CAMK1D: variants seen among roughly 807,000 people sequenced by gnomAD.
The protein encoded by CAMK1D is calcium/calmodulin-dependent protein kinase type 1D.
CAMK1D carries 9 observed loss-of-function variants against 47.7 expected under a neutral mutation model. The observed-to-expected ratio is 0.19, with a 90% CI of 0.11 to 0.33. CAMK1D has a LOEUF of 0.33. CAMK1D is among the 10% of genes least tolerant of loss of function. The probability of loss-of-function intolerance (pLI) is 1.00; values close to 1 mark genes in which losing one functional copy is unlikely to be tolerated. For synonymous variants in CAMK1D, 184 were observed against 184.9 expected (o/e 0.99, Z 0.04); for missense variants, 291 against 488.7 (o/e 0.60, Z 3.81).
rs145354725 is a variant in CAMK1D, at chr10:12,461,549, T to C, written c.93-91676T>C. Among the ~76,000 whole-genome samples the C allele has an allele frequency of 2.8e-3, 424 of 151,798 alleles. 3 individuals carry two copies. The highest frequency in any genetic ancestry group is 9.7e-3 in the African/African-American group (402 of 41,418). On this transcript the variant is annotated intron_variant, in intron 1 of 10. Transcript: ENST00000619168. ...ACTAAAAATACAAAAATTAGCTGGG[T>C]GTGGTGGCGTGCACCTGTAGTCCCA...
chr10:12,527,556 C>T (rs1835666749), intron 1 of CAMK1D, among the ~76,000 whole-genome samples: 1 of 151,988 alleles, frequency 6.6e-6, no homozygotes, highest in South Asian at 2.1e-4. Flanking sequence ...TTAGTAGAGA[C>T]AGGGTTTCAC....
intron 3 of CAMK1D, among the ~76,000 whole-genome samples, chr10:12,700,376 C>G (rs1833467030): frequency 6.6e-6 from 1 of 152,092 alleles, no homozygotes; most frequent in African/African-American, 2.4e-5. Context: ...GGGAGAAGCT[C>G]CTTATAAAAA....
At chr10:12,367,021 CT>C (rs1488302363) in intron 1 of CAMK1D, among the ~76,000 whole-genome samples, 1 of 152,158 alleles carries the variant, frequency 6.6e-6, no homozygotes, top group Non-Finnish European at 1.5e-5. Context: ...CTCATGACCA[CT>C]TCTAAACACA....
intron 2 of CAMK1D, among the ~76,000 whole-genome samples, chr10:12,632,166 G>T (rs1047345221): frequency 3.9e-5 from 6 of 152,086 alleles, no homozygotes; most frequent in Non-Finnish European, 7.4e-5. Flanking sequence ...GCTAAGATTC[G>T]CATCCCTTCT....
chr10:12,350,204 C>T (rs903566426), intron 1 of CAMK1D, among the ~76,000 whole-genome samples: 1 of 152,200 alleles, frequency 6.6e-6, no homozygotes, highest in Non-Finnish European at 1.5e-5. Context: ...TCTCCGCTGC[C>T]TTCTCCCCAC....
At position 12,737,311 on chromosome 10, in the gene CAMK1D, C is replaced by T. The variant is rs935780277; in HGVS notation, c.300-23637C>T. Among the ~76,000 whole-genome samples the T allele has an allele frequency of 5.9e-5, 9 of 152,128 alleles. 1 individual carries two copies. The highest frequency in any genetic ancestry group is 2.2e-4 in the African/African-American group (9 of 41,402). ...CAGTTTCCATACCCCCATTATTTCCCCTAACCTGTGCTTCATACCAGAAGG... is the reference window on the plus strand; with the variant it reads ...CAGTTTCCATACCCCCATTATTTCCTCTAACCTGTGCTTCATACCAGAAGG... On this transcript the variant is annotated intron_variant, in intron 3 of 10. Coordinates refer to ENST00000619168, the MANE Select transcript of CAMK1D (RefSeq NM_153498.4).
intron 2 of CAMK1D, among the ~76,000 whole-genome samples, chr10:12,559,242 GCTGTA>G (rs1190166406): frequency 1.3e-5 from 2 of 152,040 alleles, no homozygotes; most frequent in Non-Finnish European, 2.9e-5. Context: ...GGAGTTTGAG[GCTGTA>G]CTCCAGTTTG....
chr10:12,813,744 T>C (rs1832695557), intron 6 of CAMK1D, among the ~76,000 whole-genome samples: 1 of 151,982 alleles, frequency 6.6e-6, no homozygotes, highest in Non-Finnish European at 1.5e-5. Flanking sequence ...GGTACAGATT[T>C]TCTTTTTCTT....
chr10:12,693,898 A>AAT (rs1304404908), intron 3 of CAMK1D, among the ~76,000 whole-genome samples: 1 of 113,908 alleles, frequency 8.8e-6, no homozygotes, highest in African/African-American at 3.3e-5. Context: ...ATATATATAA[A>AAT]ATATATATAT....
At chr10:12,637,515 A>G (rs941633141) in intron 2 of CAMK1D, among the ~76,000 whole-genome samples, 6 of 151,872 alleles carry the variant, frequency 4.0e-5, no homozygotes, top group African/African-American at 1.5e-4. Context: ...ATCTGTGGCC[A>G]GCAGGGTGTA....
At chr10:12,802,756 A>G (rs544495538) in intron 6 of CAMK1D, among the ~76,000 whole-genome samples, 70 of 152,258 alleles carry the variant, frequency 4.6e-4, no homozygotes, top group African/African-American at 1.6e-3. Flanking sequence ...TACTGACCTC[A>G]TGATCCGTCC....
intron 1 of CAMK1D, among the ~76,000 whole-genome samples, chr10:12,497,453 G>T (rs1423296264): frequency 6.8e-6 from 1 of 147,282 alleles, no homozygotes; most frequent in African/African-American, 2.5e-5. Context: ...CCTCAGCCTG[G>T]TGACGGAGCA....
At chr10:12,461,703 A>G (rs1833430488) in intron 1 of CAMK1D, among the ~76,000 whole-genome samples, 1 of 151,726 alleles carries the variant, frequency 6.6e-6, no homozygotes. Flanking sequence ...AAAAAAAAAA[A>G]AAAAGAAGCT....
chr10:12,463,384 C>T (rs1305338264), intron 1 of CAMK1D, among the ~76,000 whole-genome samples: 3 of 152,120 alleles, frequency 2.0e-5, no homozygotes, highest in Non-Finnish European at 4.4e-5. Context: ...ATGATTCACC[C>T]ACCTCAGCCT....
chr10:12,562,788 C>T (rs951499409), intron 2 of CAMK1D, among the ~76,000 whole-genome samples: 1 of 152,134 alleles, frequency 6.6e-6, no homozygotes, highest in African/African-American at 2.4e-5. Context: ...CTGCTCCAAA[C>T]TGTGGACTTC....
At chr10:12,387,203 CAA>C (rs1252530894) in intron 1 of CAMK1D, among the ~76,000 whole-genome samples, 8 of 101,912 alleles carry the variant, frequency 7.8e-5, no homozygotes, top group African/African-American at 7.5e-5. Flanking sequence ...GACTCCATCT[CAA>C]AAAAAAAAAA....
intron 2 of CAMK1D, among the ~76,000 whole-genome samples, chr10:12,595,521 T>C (rs1838122851): frequency 6.6e-6 from 1 of 152,010 alleles, no homozygotes; most frequent in Non-Finnish European, 1.5e-5. Flanking sequence ...CCTTTGCATC[T>C]GAGGTGGGGT....
intron 3 of CAMK1D, among the ~76,000 whole-genome samples, chr10:12,738,702 C>T (rs973513609): frequency 2.0e-5 from 3 of 151,730 alleles, no homozygotes; most frequent in Non-Finnish European, 4.4e-5. Context: ...CGTGGTGGCT[C>T]GCACCTGTAA....
At chr10:12,437,365 G>A (rs1158251752) in intron 1 of CAMK1D, among the ~76,000 whole-genome samples, 1 of 152,084 alleles carries the variant, frequency 6.6e-6, no homozygotes, top group Non-Finnish European at 1.5e-5. Context: ...CTAATTTTTT[G>A]TATTTTCTTA....
Sources: allele counts gnomAD v4.1 joint callset (sites outside exome capture counted in the v4.1 genomes callset), GRCh38; gene constraint gnomAD v4.1.1; transcripts MANE v1.5; gene names NCBI Gene and HGNC (gene_info 2026-07-23, HGNC 2026-07-21).